USP47: variants seen among roughly 807,000 people sequenced by gnomAD.
USP47 encodes the protein ubiquitin specific peptidase 47, also known as ubiquitin carboxyl-terminal hydrolase 47.
In USP47, 35 loss-of-function variants were observed where a neutral mutation model predicts 165.1. That is an observed-to-expected ratio of 0.21 (90% confidence interval 0.16 to 0.28). The LOEUF is 0.28. USP47 is among the 10% of genes least tolerant of loss of function. The pLI is 1.00. For synonymous variants in USP47, 531 were observed against 544.5 expected (o/e 0.98, Z 0.35); for missense variants, 1,277 against 1,607.4 (o/e 0.79, Z 3.52).
Position 11,891,989 on chromosome 11 carries a change from G to A in USP47, c.379G>A (p.Asp127Asn). Reference protein sequence around the residue: ...ILLEDSSAGEDSVHDRFIGPL... With the variant: ...ILLEDSSAGENSVHDRFIGPL... ...TTAGGAGGATTCCAGTGCTGGGGAA[G>A]ACAGTGTTCATGACAGGTTTATAGG... The change falls in exon 4 of 28, where the codon GAC becomes AAC. Residue 127 changes from aspartate (D) to asparagine (N), a missense_variant. Physicochemically the swap from Asp to Asn is conservative, Grantham distance 23. Coordinates refer to ENST00000527733, the MANE Select transcript of USP47 (RefSeq NM_001282659.2). 1 of 1,613,348 alleles carries A rather than the reference G, an allele frequency of 6.2e-7. No homozygotes were observed.
At chr11:11,849,597 G>A (rs767426092) in intron 1 of USP47, among the ~76,000 whole-genome samples, 5 of 152,138 alleles carry the variant, frequency 3.3e-5, no homozygotes, top group East Asian at 1.9e-4. Flanking sequence ...TTTTGACTTC[G>A]TGAGAAGCTC....
chr11:11,857,585 T>C (rs1564852446), intron 1 of USP47, among the ~76,000 whole-genome samples: 1 of 152,198 alleles, frequency 6.6e-6, no homozygotes, highest in Non-Finnish European at 1.5e-5. Flanking sequence ...GCAGTAGTTA[T>C]GAGGCAGGAG....
In USP47 at chr11:11,929,481, C is replaced by T. The variant is rs373661897; in HGVS notation, c.1434C>T (p.Ser478=). 16 of 1,613,008 alleles carry T rather than the reference C, an allele frequency of 9.9e-6. No homozygotes were observed. Among genetic ancestry groups the T allele is most frequent in the African/African-American group, 8.0e-5 (6 of 74,790 alleles). ...TCTCTGTTATGGTTCATTCTGGGAGCGCTGCTGGTGGTCATTATTATGCAT... is the reference window on the plus strand; with the variant it reads ...TCTCTGTTATGGTTCATTCTGGGAGTGCTGCTGGTGGTCATTATTATGCAT... ...ELFSVMVHSG[S]AAGGHYYACI... is the part of the protein sequence containing the mutation. Residue 478 remains serine, a synonymous_variant, in exon 12 of 28, where the codon AGC becomes AGT. Transcript: ENST00000527733.
chr11:11,867,506 TTG>T, intron 1 of USP47, among the ~76,000 whole-genome samples: 1 of 152,332 alleles, frequency 6.6e-6, no homozygotes, highest in Non-Finnish European at 1.5e-5. Flanking sequence ...CTGTTAAATT[TTG>T]TGTTTTTAAT....
In USP47 at chr11:11,942,933, C is replaced by G. The variant is rs760629510; in HGVS notation, c.2912C>G (p.Thr971Arg). ...AATGGACTTGACTCTCACAGTATCA[C>G]AAGTAGTAGAAGAACGAAAGCAAAT... ...LANGLDSHSI[T>R]SSRRTKANEG... Residue 971 changes from threonine (T) to arginine (R), a missense_variant, in exon 20 of 28, where the codon ACA becomes AGA. Coordinates refer to ENST00000527733, the MANE Select transcript of USP47 (RefSeq NM_001282659.2). 17 of 1,613,330 alleles carry G rather than the reference C, an allele frequency of 1.1e-5. No homozygotes were observed. The South Asian group carries it at 1.9e-4, about 18-fold the overall frequency.
In USP47 at chr11:11,938,903, ATGT is replaced by A. The variant is rs371890766; in HGVS notation, c.2193+534_2193+536del. On this transcript the variant is annotated intron_variant, in intron 18 of 27. Coordinates refer to ENST00000527733, the MANE Select transcript of USP47 (RefSeq NM_001282659.2). ...AATCTGTAGGACTTGTAATTGTTAA[ATGT>A]TGGGGTAAAGCAGATGCACCGATGA... Among the ~76,000 whole-genome samples, 1,133 of 152,026 alleles carry A rather than the reference ATGT, an allele frequency of 7.5e-3. 17 individuals are homozygous for A. Among genetic ancestry groups the A allele is most frequent in the African/African-American group, 0.026 (1,088 of 41,498 alleles).
chr11:11,961,374 T>C lies in USP47; in HGVS notation c.*5199T>C, dbSNP rs1441116819. 6.6e-6 allele frequency among the ~76,000 whole-genome samples: 1 copy of C among 151,746 alleles called. No homozygotes were observed. The highest frequency in any genetic ancestry group is 1.5e-5 in the Non-Finnish European group (1 of 67,930). The stretch of plus-strand genomic sequence containing the variant: ...GGTGGGCGCAATTTGATCACATGGG[T>C]CCCCAGAAGTGGAGAACCTTTCCCA... On this transcript the variant is annotated 3_prime_UTR_variant, in exon 28 of 28. Transcript: ENST00000527733.
Position 11,952,803 on chromosome 11 carries a change from G to C in USP47, c.3646G>C (p.Glu1216Gln). ...AVLSRRWKPS[E>Q]MKLDPFQEVV... ...TTTGTCAAGACGGTGGAAGCCTTCA[G>C]AGATGAAGTTGGATCCCTTCCAGGA... Residue 1216 changes from glutamate to glutamine, a missense_variant, in exon 25 of 28, where the codon GAG becomes CAG. Physicochemically the swap from Glu to Gln is conservative, Grantham distance 29. This residue lies in a region of USP47 where 909 missense variants were observed against 1,068.1 expected (regional missense o/e 0.85). Coordinates refer to ENST00000527733, the MANE Select transcript of USP47 (RefSeq NM_001282659.2). 3.1e-6 allele frequency: 5 copies of C among 1,613,348 alleles called. No individual in the cohort carries two copies. Among genetic ancestry groups the C allele is most frequent in the Non-Finnish European group, 4.2e-6 (5 of 1,179,548 alleles).
At chr11:11,919,095 G>A (rs1263647637) in intron 8 of USP47, among the ~76,000 whole-genome samples, 1 of 151,814 alleles carries the variant, frequency 6.6e-6, no homozygotes, top group Non-Finnish European at 1.5e-5. Context: ...GGGATCAGAT[G>A]GGTTTAGACA....
chr11:11,865,610 TTACATTC>T (rs1408689464), intron 1 of USP47, among the ~76,000 whole-genome samples: 1 of 152,132 alleles, frequency 6.6e-6, no homozygotes, highest in Non-Finnish European at 1.5e-5. Flanking sequence ...CTGCACCATT[TTACATTC>T]CTACCAGCAA....
At chr11:11,921,418 A>C (rs1298362459) in intron 10 of USP47, among the ~76,000 whole-genome samples, 1 of 151,878 alleles carries the variant, frequency 6.6e-6, no homozygotes, top group Admixed American at 6.6e-5. Flanking sequence ...ATGTGGATTC[A>C]AATTCTTGTC....
intron 13 of USP47, 146 bp from the exon 14 acceptor site, chr11:11,930,550 T>G (rs755368469): frequency 6.1e-6 from 4 of 652,700 alleles, no homozygotes; most frequent in Non-Finnish European, 1.0e-5. Flanking sequence ...TTATCTGGAA[T>G]GTTTTAAATC....
chr11:11,946,793 A>G (rs543138678), intron 20 of USP47, among the ~76,000 whole-genome samples: 2 of 152,220 alleles, frequency 1.3e-5, no homozygotes, highest in Admixed American at 1.3e-4. Context: ...CAAAAGGTAG[A>G]TAGTAAATAA....
In USP47 at chr11:11,942,575, A is replaced by C. The variant is rs774912620; in HGVS notation, c.2554A>C (p.Ile852Leu). The C allele has an allele frequency of 6.2e-7, 1 of 1,613,538 alleles. No homozygotes were observed. The highest frequency in any genetic ancestry group is 1.7e-5 in the Admixed American group (1 of 59,866). Reference protein sequence around the residue: ...PVGSLKSVEAILEESTEKLKS... With the variant: ...PVGSLKSVEALLEESTEKLKS... ...AGGAAGCCTAAAGTCTGTGGAAGCT[A>C]TTCTAGAAGAAAGCACTGAAAAACT... Residue 852 changes from isoleucine to leucine, a missense_variant, in exon 20 of 28, where the codon ATT becomes CTT. Transcript: ENST00000527733.
At chr11:11,885,285 A>G (rs1851083743) in intron 3 of USP47, among the ~76,000 whole-genome samples, 1 of 152,142 alleles carries the variant, frequency 6.6e-6, no homozygotes, top group Non-Finnish European at 1.5e-5. Flanking sequence ...GTGCTCATGG[A>G]GAGGAGTGAA....
chr11:11,853,610 T>C (rs573446009), intron 1 of USP47, among the ~76,000 whole-genome samples: 2 of 152,332 alleles, frequency 1.3e-5, no homozygotes, highest in African/African-American at 4.8e-5. Context: ...ACTGCATACT[T>C]CCATTTCCTT....
intron 8 of USP47, among the ~76,000 whole-genome samples, chr11:11,906,915 G>C (rs1852608066): frequency 6.6e-6 from 1 of 151,888 alleles, no homozygotes; most frequent in Admixed American, 6.6e-5. Flanking sequence ...GGAAATATTT[G>C]GTAGTCCCAA....
chr11:11,844,084 C>T (rs1848294387), intron 1 of USP47, among the ~76,000 whole-genome samples: 1 of 152,178 alleles, frequency 6.6e-6, no homozygotes, highest in Non-Finnish European at 1.5e-5. Flanking sequence ...AAAGTGATTG[C>T]CTCCAGTTCC....
chr11:11,894,134 T>C (rs963232699), intron 4 of USP47, among the ~76,000 whole-genome samples: 1 of 152,130 alleles, frequency 6.6e-6, no homozygotes, highest in African/African-American at 2.4e-5. Flanking sequence ...TTAATTTCTT[T>C]AAAATTAATT....
Sources: allele counts gnomAD v4.1 joint callset (sites outside exome capture counted in the v4.1 genomes callset), GRCh38; gene constraint gnomAD v4.1.1; regional missense constraint gnomAD v4.1.1; transcripts MANE v1.5; gene names NCBI Gene and HGNC (gene_info 2026-07-23, HGNC 2026-07-21).